Variants in C1S observed in about 807,000 individuals in gnomAD.
The protein encoded by C1S is complement C1s, also known as complement C1s subcomponent.
A neutral mutation model predicts 54.0 loss-of-function variants in C1S; 31 were observed. The observed-to-expected ratio is 0.57, with a 90% CI of 0.43 to 0.78. The LOEUF (loss-of-function observed/expected upper bound fraction) is 0.78. Ranked by LOEUF, C1S falls within the 30% of genes least tolerant of loss-of-function variation. C1S has a pLI of 0.00. For synonymous variants in C1S, 292 were observed against 303.6 expected (o/e 0.96, Z 0.40); for missense variants, 727 against 851.8 (o/e 0.85, Z 1.82).
chr12:7,063,050 C>T lies in C1S; in HGVS notation c.374C>T (p.Ala125Val), dbSNP rs782425417. Reference protein sequence around the residue: ...SNEERFTGFAAYYVATDINEC... With the variant: ...SNEERFTGFAVYYVATDINEC... Reference sequence around the variant, plus strand: ...GAAGAGCGTTTTACGGGGTTTGCTGCATACTATGTTGCCACAGGTAAGGCT... The same window carrying T: ...GAAGAGCGTTTTACGGGGTTTGCTGTATACTATGTTGCCACAGGTAAGGCT... The change falls in exon 4 of 12, where the codon GCA becomes GTA. Residue 125 changes from alanine (A) to valine (V), a missense_variant. Ala to Val is a moderately conservative substitution (Grantham distance 64). Coordinates refer to ENST00000360817, the MANE Select transcript of C1S (RefSeq NM_001734.5). 13 of 1,613,498 alleles carry T rather than the reference C, an allele frequency of 8.1e-6. No homozygotes were observed. In the South Asian group the frequency reaches 1.1e-4, roughly 14 times the overall value.
chr12:7,064,095 T>C, intron 4 of C1S, 172 bp from the exon 5 acceptor site: 1 of 758,292 alleles, frequency 1.3e-6, no homozygotes, highest in South Asian at 1.4e-5. Flanking sequence ...AACTCTGGAA[T>C]CATATGTCAG....
At chr12:7,066,133 T>C (rs1555162180) in intron 7 of C1S, 163 bp downstream of exon 7, 2 of 712,210 alleles carry the variant, frequency 2.8e-6, no homozygotes, top group Non-Finnish European at 2.5e-6. Flanking sequence ...AGTAGGAGTT[T>C]GAGTCCACTC....
rs781851962 is a variant in C1S at position 7,061,976 on chromosome 12, A to G, written c.5+59A>G. Reference sequence around the variant, plus strand: ...CTCCATTCCCTTCATCTTCTCAAGAAAAGCGCTCAAGGGCCAGGCATGATG... The same window carrying G: ...CTCCATTCCCTTCATCTTCTCAAGAGAAGCGCTCAAGGGCCAGGCATGATG... On this transcript the variant is annotated intron_variant, in intron 2 of 11. Coordinates refer to ENST00000360817, the MANE Select transcript of C1S (RefSeq NM_001734.5). 4.5e-6 allele frequency: 7 copies of G among 1,570,332 alleles called. No homozygotes were observed. In the East Asian group the frequency reaches 1.6e-4, roughly 35 times the overall value.
intron 8 of C1S, 73 bp downstream of exon 8, chr12:7,066,706 G>T (rs1386648894): frequency 5.6e-6 from 5 of 893,768 alleles, no homozygotes; most frequent in Non-Finnish European, 7.6e-6. Context: ...TTGTCCAGTT[G>T]TTTACCCAAT....
chr12:7,069,903 G>A lies in C1S; in HGVS notation c.1319G>A (p.Gly440Glu), dbSNP rs1555162901. Residue 440 changes from glycine to glutamate, a missense_variant, in exon 12 of 12, where the codon GGA becomes GAA. Physicochemically the swap from Gly to Glu is moderately conservative, Grantham distance 98 (BLOSUM62 -2). Around this residue, in one of 3 missense-constraint regions of C1S, gnomAD observed 360 missense variants for 453.6 expected, o/e 0.79. Coordinates refer to ENST00000360817, the MANE Select transcript of C1S (RefSeq NM_001734.5). Reference protein sequence around the residue: ...EPFEEKQRIIGGSDADIKNFP... With the variant: ...EPFEEKQRIIEGSDADIKNFP... ...TTTGAAGAAAAACAGAGGATAATTG[G>A]AGGATCCGATGCAGATATTAAAAAC... 1 of 1,614,170 alleles carries A rather than the reference G, an allele frequency of 6.2e-7. No homozygotes were observed.
At position 7,068,497 on chromosome 12, in the gene C1S, G is replaced by T; in HGVS notation, c.1237G>T (p.Val413Leu). The T allele has an allele frequency of 6.2e-7, 1 of 1,614,004 alleles. No homozygotes were observed. The change falls in exon 11 of 12, where the codon GTG (valine) becomes TTG (leucine). Residue 413 changes from valine (V) to leucine (L), a missense_variant. This residue lies in a region of C1S where 360 missense variants were observed against 453.6 expected (regional missense o/e 0.79). Coordinates refer to ENST00000360817, the MANE Select transcript of C1S (RefSeq NM_001734.5). Reference protein sequence around the residue: ...CAGNGSWVNEVLGPELPKCVP... With the variant: ...CAGNGSWVNELLGPELPKCVP... Reference sequence around the variant, plus strand: ...TGGTAACGGGAGCTGGGTGAATGAGGTGCTGGGCCCGGAGCTGCCGAAATG... The same window carrying T: ...TGGTAACGGGAGCTGGGTGAATGAGTTGCTGGGCCCGGAGCTGCCGAAATG...
In C1S at chr12:7,061,356, A is replaced by G. The variant is rs112054571; in HGVS notation, c.-75+479A>G. The G allele has an allele frequency of 6.6e-3, 1,197 of 180,648 alleles. 7 individuals are homozygous for G. The highest frequency in any genetic ancestry group is 0.013 in the Middle Eastern group (5 of 372). 11.2% of individuals were successfully genotyped at this position (180,648 alleles called of 1,614,324 possible). On this transcript the variant is annotated intron_variant, in intron 1 of 11. Transcript: ENST00000360817. The stretch of plus-strand genomic sequence containing the variant: ...TCCATCGGTGGGCGTTGGGAGCATC[A>G]GCGGAGATGCACGCAATGATAAACA...
intron 7 of C1S, 168 bp downstream of exon 7, chr12:7,066,138 C>G (rs782791257): frequency 1.4e-6 from 1 of 692,250 alleles, no homozygotes; most frequent in South Asian, 1.6e-5. Flanking sequence ...GAGTTTGAGT[C>G]CACTCTGGGC....
At position 7,063,048 on chromosome 12, in the gene C1S, T is replaced by G; in HGVS notation, c.372T>G (p.Ala124=). ...FSNEERFTGF[A]AYYVATDINE... The stretch of plus-strand genomic sequence containing the variant: ...ATGAAGAGCGTTTTACGGGGTTTGC[T>G]GCATACTATGTTGCCACAGGTAAGG... The change falls in exon 4 of 12, where the codon GCT becomes GCG. Residue 124 remains alanine, a synonymous_variant. Transcript: ENST00000360817. The G allele has an allele frequency of 6.2e-7, 1 of 1,613,680 alleles. No individual in the cohort carries two copies. Among genetic ancestry groups the G allele is most frequent in the Non-Finnish European group, 8.5e-7 (1 of 1,179,964 alleles).
At chr12:7,061,696 G>A (rs1947090264) in intron 1 of C1S, 143 bp from the exon 2 acceptor site, 1 of 663,358 alleles carries the variant, frequency 1.5e-6, no homozygotes, top group African/African-American at 1.8e-5. Flanking sequence ...GGTGTGAGGG[G>A]CACGGTGCCA....
chr12:7,066,385 G>A (rs1937657388), intron 7 of C1S, 133 bp from the exon 8 acceptor site: 1 of 712,932 alleles, frequency 1.4e-6, no homozygotes. Flanking sequence ...GACATCTGCT[G>A]TATTGGAATG....
intron 3 of C1S, 86 bp downstream of exon 3, chr12:7,062,768 C>T: frequency 2.0e-6 from 3 of 1,494,110 alleles, no homozygotes; most frequent in Non-Finnish European, 2.8e-6. Flanking sequence ...GCCACCTGTA[C>T]TCACAGTGAA....
At chr12:7,066,021 C>T (rs1947172473) in intron 7 of C1S, 51 bp downstream of exon 7, 1 of 1,515,916 alleles carries the variant, frequency 6.6e-7, no homozygotes, top group Non-Finnish European at 9.2e-7. Context: ...AGTCCCCAAA[C>T]AATGTGGGAT....
Position 7,065,277 on chromosome 12 carries a change from G to A in C1S, c.695G>A (p.Gly232Glu). 6.2e-7 allele frequency: 1 copy of A among 1,613,854 alleles called. No homozygotes were observed. Among genetic ancestry groups the A allele is most frequent in the Non-Finnish European group, 8.5e-7 (1 of 1,179,718 alleles). ...GATGTGGAAGCAGCTGACTCAGCGG[G>A]AAACTGCCTTGACAGTTTAGTTGTG... The part of the protein sequence containing the change: ...DFDVEAADSA[G>E]NCLDSLVFVA... The change falls in exon 6 of 12, where the codon GGA (glycine) becomes GAA (glutamate). Residue 232 changes from glycine (G) to glutamate (E), a missense_variant. This residue lies in a region of C1S where 357 missense variants were observed against 365.4 expected (regional missense o/e 0.98). Transcript: ENST00000360817.
At chr12:7,064,939 T>C (rs1947151566) in intron 5 of C1S, among the ~76,000 whole-genome samples, 161 bp from the exon 6 acceptor site, 1 of 152,182 alleles carries the variant, frequency 6.6e-6, no homozygotes, top group African/African-American at 2.4e-5. Context: ...TACTGATACG[T>C]ATTGCACGTG....
At position 7,069,925 on chromosome 12, in the gene C1S, A is replaced by G; in HGVS notation, c.1341A>G (p.Lys447=). Residue 447 remains lysine (K), a synonymous_variant, in exon 12 of 12, where the codon AAA becomes AAG. Transcript: ENST00000360817. ...TTGGAGGATCCGATGCAGATATTAA[A>G]AACTTCCCCTGGCAAGTCTTCTTTG... ...RIIGGSDADI[K]NFPWQVFFDN... The G allele has an allele frequency of 6.2e-7, 1 of 1,614,160 alleles. No individual in the cohort carries two copies.
rs782096509 is a variant in C1S, at chr12:7,070,393, C to T, written c.1809C>T (p.Pro603=). The change falls in exon 12 of 12, where the codon CCC becomes CCT. Residue 603 remains proline (P), a synonymous_variant. Coordinates refer to ENST00000360817, the MANE Select transcript of C1S (RefSeq NM_001734.5). The surrounding 1 kb of genome is among the most constrained non-coding windows in gnomAD (Gnocchi z 4.9). ...GCAAAGAAGTGAAAGTGGAGAAACC[C>T]ACAGCAGATGCAGAGGCCTATGTTT... ...RKCKEVKVEK[P]TADAEAYVFT... is the part of the protein sequence containing the mutation. The T allele has an allele frequency of 6.2e-7, 1 of 1,614,112 alleles. No individual in the cohort carries two copies. The highest frequency in any genetic ancestry group is 8.5e-7 in the Non-Finnish European group (1 of 1,180,052).
At position 7,065,979 on chromosome 12, in the gene C1S, C is replaced by T. The variant is rs1162878141; in HGVS notation, c.871+9C>T. On this transcript the variant is annotated intron_variant, in intron 7 of 11. Transcript: ENST00000360817. Reference sequence around the variant, plus strand: ...TCGCTATCATGGAGATCGTGAGTAACTTAGAAGTGCCTCTTTGGTTGGTGA... The same window carrying T: ...TCGCTATCATGGAGATCGTGAGTAATTTAGAAGTGCCTCTTTGGTTGGTGA... 1.2e-6 allele frequency: 2 copies of T among 1,612,894 alleles called. No homozygotes were observed. Among genetic ancestry groups the T allele is most frequent in the Non-Finnish European group, 1.7e-6 (2 of 1,179,048 alleles).
At chr12:7,063,287 A>C in intron 4 of C1S, 1 of 576,060 alleles carries the variant, frequency 1.7e-6, no homozygotes. Flanking sequence ...GTACATAATA[A>C]ACAGCAATTT....
Sources: gnomAD v4.1 joint callset for allele counts (sites outside exome capture counted in the v4.1 genomes callset) on GRCh38, gnomAD v4.1.1 for gene constraint, gnomAD v4.1.1 regional missense constraint, Gnocchi (gnomAD v3.1) non-coding constraint, MANE v1.5 for transcripts, NCBI Gene and HGNC (gene_info 2026-07-23, HGNC 2026-07-21) for gene names.